Variants in COQ4 observed in about 807,000 individuals in gnomAD.
COQ4 encodes coenzyme Q4.
In COQ4, 36 loss-of-function variants were observed where a neutral mutation model predicts 30.2. The observed-to-expected ratio is 1.19, with a 90% confidence interval of 0.91 to 1.57. COQ4 has a LOEUF of 1.57. Among genes scored for constraint, COQ4 ranks in the 40% most tolerant of loss-of-function variants. COQ4 has a pLI of 0.00. For synonymous variants in COQ4, 197 were observed against 161.0 expected (o/e 1.22, Z -1.69); for missense variants, 369 against 371.9 (o/e 0.99, Z 0.07).
At chr9:128,325,617 C>T (rs1012398520) in intron 3 of COQ4, among the ~76,000 whole-genome samples, 162 bp from the exon 4 acceptor site, 2 of 152,182 alleles carry the variant, frequency 1.3e-5, no homozygotes, top group Admixed American at 1.3e-4. Context: ...GGGGTAGTAT[C>T]CTAAGTCCCT....
chr9:128,328,024 C>T (rs1017384480), intron 4 of COQ4, among the ~76,000 whole-genome samples: 2 of 152,186 alleles, frequency 1.3e-5, no homozygotes, highest in African/African-American at 4.8e-5. Context: ...GAGGAGCCAA[C>T]CCTGTGGAGA....
At position 128,333,558 on chromosome 9, in the gene COQ4, T is replaced by G; in HGVS notation, c.711T>G (p.Tyr237Ter). 1 of 1,611,020 alleles carries G rather than the reference T, an allele frequency of 6.2e-7. No homozygotes were observed. Among genetic ancestry groups the G allele is most frequent in the East Asian group, 2.2e-5 (1 of 44,584 alleles). ...CCCCATGTGTCCTCAACCTGTACTATGAGCGGCGCTGGGAGCAGTCCCTGA... is the reference window on the plus strand; with the variant it reads ...CCCCATGTGTCCTCAACCTGTACTAGGAGCGGCGCTGGGAGCAGTCCCTGA... ...RRAPCVLNLYYERRWEQSLRA... is the reference protein window; with the variant it reads ...RRAPCVLNLY Residue 237 changes from tyrosine to a stop codon, truncating the protein, a stop_gained, in exon 7 of 7, where the codon TAT (tyrosine) becomes TAG (stop). Coordinates refer to ENST00000300452, the MANE Select transcript of COQ4 (RefSeq NM_016035.5). LOFTEE classifies it high-confidence loss of function.
intron 1 of COQ4, 30 bp from the exon 2 acceptor site, chr9:128,322,967 CCTGAGGGCGCCCGGCTCCT>C: frequency 2.5e-6 from 4 of 1,605,638 alleles, no homozygotes; most frequent in Non-Finnish European, 2.5e-6. Context: ...CGGGAAGGAG[CCTGAGGGCGCCCGGCTCCT>C]CTGACCTCGG....
In COQ4 at chr9:128,323,026, C is replaced by T; in HGVS notation, c.81C>T (p.Leu27=). 5.6e-6 allele frequency: 9 copies of T among 1,611,936 alleles called. No individual in the cohort carries two copies. Among genetic ancestry groups the T allele is most frequent in the Non-Finnish European group, 7.6e-6 (9 of 1,179,786 alleles). ...GLQRPAAEMP[L]RARSDGAGPL... ...TTTCTTGCCCCGCAGAAATGCCCCT[C>T]CGGGCTAGGAGCGACGGCGCCGGCC... Residue 27 remains leucine, a synonymous_variant, in exon 2 of 7, where the codon CTC becomes CTT. Transcript: ENST00000300452.
At position 128,325,150 on chromosome 9, in the gene COQ4, C is replaced by T. The variant is rs776362737; in HGVS notation, c.210C>T (p.Val70=). The T allele has an allele frequency of 1.3e-5, 21 of 1,612,800 alleles. No individual in the cohort carries two copies. The Admixed American group carries it at 1.8e-4, about 14-fold the overall frequency. Residue 70 remains valine (V), a synonymous_variant, in exon 3 of 7, where the codon GTC becomes GTT. Coordinates refer to ENST00000300452, the MANE Select transcript of COQ4 (RefSeq NM_016035.5). ...CCGTTTCTGTCCTTTCAGACATGGTCGCAGTTCTAGGGGAGACCACAGGAC... is the reference window on the plus strand; with the variant it reads ...CCGTTTCTGTCCTTTCAGACATGGTTGCAGTTCTAGGGGAGACCACAGGAC... The part of the protein sequence containing the change: ...ALYNPYRHDM[V]AVLGETTGHR...
In COQ4 at chr9:128,332,185, C is replaced by G. The variant is rs767813142; in HGVS notation, c.435C>G (p.Arg145=). The G allele has an allele frequency of 3.8e-6, 6 of 1,595,950 alleles. No individual in the cohort carries two copies. The South Asian group carries it at 6.8e-5, about 18-fold the overall frequency. ...RVSPDTRAPT[R]FVDDEELAYV... is the part of the protein sequence containing the mutation. ...CCCCAGACACCCGAGCACCCACCCG[C>G]TTCGTGGATGATGAGGAGCTAGCGT... Residue 145 remains arginine, a synonymous_variant, in exon 5 of 7, where the codon CGC becomes CGG. Coordinates refer to ENST00000300452, the MANE Select transcript of COQ4 (RefSeq NM_016035.5).
intron 4 of COQ4, among the ~76,000 whole-genome samples, chr9:128,327,397 C>T (rs548644304): frequency 2.6e-5 from 4 of 152,166 alleles, no homozygotes; most frequent in African/African-American, 9.6e-5. Flanking sequence ...GAGCTGAGAT[C>T]ACACCACTGC....
chr9:128,325,750 C>T, intron 3 of COQ4, 29 bp from the exon 4 acceptor site: 1 of 1,580,144 alleles, frequency 6.3e-7, no homozygotes, highest in Non-Finnish European at 8.7e-7. Context: ...TTGCCCACAC[C>T]CTCCCAATGC....
intron 2 of COQ4, among the ~76,000 whole-genome samples, chr9:128,324,243 T>C (rs1370633372): frequency 1.3e-5 from 2 of 152,024 alleles, no homozygotes; most frequent in Non-Finnish European, 2.9e-5. Context: ...CCTCCCAAAG[T>C]GTTGGGATTA....
chr9:128,333,285 C>T (rs1832444830), intron 6 of COQ4, among the ~76,000 whole-genome samples, 189 bp from the exon 7 acceptor site: 2 of 152,130 alleles, frequency 1.3e-5, no homozygotes, highest in African/African-American at 4.8e-5. Flanking sequence ...TCGACATGTT[C>T]AAGATGTGTG....
At chr9:128,324,431 TTA>T (rs552650763) in intron 2 of COQ4, among the ~76,000 whole-genome samples, 1 of 152,028 alleles carries the variant, frequency 6.6e-6, no homozygotes, top group Non-Finnish European at 1.5e-5. Context: ...CCACTAAGTG[TTA>T]TATATATATG....
intron 4 of COQ4, among the ~76,000 whole-genome samples, chr9:128,326,893 T>A (rs1832332358): frequency 6.6e-6 from 1 of 152,014 alleles, no homozygotes; most frequent in African/African-American, 2.4e-5. Flanking sequence ...GGACTACAGG[T>A]GCACACCACA....
chr9:128,327,246 C>T (rs1052828097), intron 4 of COQ4, among the ~76,000 whole-genome samples: 1 of 151,820 alleles, frequency 6.6e-6, no homozygotes, highest in African/African-American at 2.4e-5. Context: ...AGTTTGAGAC[C>T]AGTCTGACCA....
At chr9:128,330,039 G>A (rs1304081441) in intron 4 of COQ4, among the ~76,000 whole-genome samples, 1 of 152,142 alleles carries the variant, frequency 6.6e-6, no homozygotes. Flanking sequence ...TCCTGCCCTT[G>A]TGTAGCAGAC....
At chr9:128,331,992 G>A in intron 4 of COQ4, 161 bp from the exon 5 acceptor site, 6 of 742,126 alleles carry the variant, frequency 8.1e-6, no homozygotes, top group Non-Finnish European at 1.3e-5. Context: ...GCCTCCCAAA[G>A]TGCTGGGATT....
chr9:128,324,497 C>G (rs949327282), intron 2 of COQ4, among the ~76,000 whole-genome samples: 1 of 152,104 alleles, frequency 6.6e-6, no homozygotes, highest in Non-Finnish European at 1.5e-5. Flanking sequence ...CTGCACTTCA[C>G]AAATTAAGAC....
chr9:128,326,827 G>A (rs1588539859), intron 4 of COQ4, among the ~76,000 whole-genome samples: 1 of 151,622 alleles, frequency 6.6e-6, no homozygotes, highest in Admixed American at 6.6e-5. Flanking sequence ...TCGGCTCACT[G>A]CAACTCAGCT....
Position 128,332,246 on chromosome 9 carries a change from C to G in COQ4, c.496C>G (p.Leu166Val). 9 of 1,613,452 alleles carry G rather than the reference C, an allele frequency of 5.6e-6. No individual in the cohort carries two copies. The highest frequency in any genetic ancestry group is 7.6e-6 in the Non-Finnish European group (9 of 1,179,854). ...GCGGTACCGGGAGGTGCACGACATG[C>G]TTCACACCCTGCTGGGGATGCCCAC... ...IQRYREVHDM[L>V]HTLLGMPTNI... Residue 166 changes from leucine (L) to valine (V), a missense_variant, in exon 5 of 7, where the codon CTT becomes GTT. Leu to Val is a conservative substitution (Grantham distance 32). Transcript: ENST00000300452.
Position 128,323,082 on chromosome 9 carries a change from C to T in COQ4, c.137C>T (p.Pro46Leu), listed in dbSNP as rs566983104. Residue 46 changes from proline to leucine, a missense_variant, in exon 2 of 7, where the codon CCG (proline) becomes CTG (leucine). Physicochemically the swap from Pro to Leu is moderately conservative, Grantham distance 98. Transcript: ENST00000300452. ...PLYSHHLPTS[P>L]LQKGLLAAGS... Reference sequence around the variant, plus strand: ...TACTCGCACCACCTCCCCACCTCCCCGCTGCAGAAAGGGCTGTTGGCCGCC... The same window carrying T: ...TACTCGCACCACCTCCCCACCTCCCTGCTGCAGAAAGGGCTGTTGGCCGCC... The T allele has an allele frequency of 1.2e-5, 20 of 1,611,996 alleles. No individual in the cohort carries two copies. The highest frequency in any genetic ancestry group is 1.3e-5 in the African/African-American group (1 of 74,914).
Sources: allele counts gnomAD v4.1 joint callset (sites outside exome capture counted in the v4.1 genomes callset), GRCh38; gene constraint gnomAD v4.1.1; transcripts MANE v1.5; gene names NCBI Gene and HGNC (gene_info 2026-07-23, HGNC 2026-07-21).